The following DSCAML1 variants were observed in gnomAD, a reference collection of about 807,000 sequenced individuals.
DSCAML1 encodes cell adhesion molecule DSCAML1.
Under a neutral mutation model 200.5 loss-of-function variants are expected in DSCAML1, and 38 were observed. That is an observed-to-expected ratio of 0.19 (90% CI 0.15 to 0.25). DSCAML1 has a LOEUF of 0.25. Ranked by LOEUF, DSCAML1 falls within the 10% of genes least tolerant of loss-of-function variation. The pLI, the probability that DSCAML1 is intolerant of heterozygous loss-of-function variation, is 1.00. For missense variants in DSCAML1, 2,223 were observed against 2,858.8 expected (o/e 0.78, Z 5.07); for synonymous variants, 1,215 against 1,165.0 (o/e 1.04, Z -0.87).
intron 3 of DSCAML1, among the ~76,000 whole-genome samples, chr11:117,700,436 G>T (rs998057536): frequency 1.3e-5 from 2 of 152,130 alleles, no homozygotes; most frequent in African/African-American, 4.8e-5. Context: ...CTGGGAAACG[G>T]CCTTTGCTCC....
intron 1 of DSCAML1, among the ~76,000 whole-genome samples, chr11:117,802,496 C>A (rs77171854): frequency 0.011 from 1,616 of 152,274 alleles, 13 homozygotes; most frequent in Middle Eastern, 0.024. Flanking sequence ...CAGATGGGCT[C>A]ATTCTTATAA....
chr11:117,480,741 G>A lies in DSCAML1; in HGVS notation c.2657-170C>T, dbSNP rs1385951603. On this transcript the variant is annotated intron_variant, in intron 13 of 32. Coordinates refer to ENST00000651296, the MANE Select transcript of DSCAML1 (RefSeq NM_020693.4). This position sits in a 1 kb window ranked among gnomAD's most constrained non-coding sequence, Gnocchi z 4.1. ...CCAGCAGCCAGGCTTGGAGGCTGAG[G>A]AGGCCTGGCTTGCTCTCCTGTCTTG... Among the ~76,000 whole-genome samples the A allele has an allele frequency of 6.6e-6, 1 of 152,148 alleles. No individual in the cohort carries two copies. Among genetic ancestry groups the A allele is most frequent in the African/African-American group, 2.4e-5 (1 of 41,430 alleles).
intron 31 of DSCAML1, 23 bp from the exon 32 acceptor site, chr11:117,431,056 G>A (rs549248069): frequency 2.5e-6 from 4 of 1,591,514 alleles, no homozygotes; most frequent in African/African-American, 1.3e-5. Context: ...GAGGAAAGGG[G>A]TGGGTTACGG....
At chr11:117,736,687 T>C (rs2054321699) in intron 3 of DSCAML1, among the ~76,000 whole-genome samples, 1 of 152,190 alleles carries the variant, frequency 6.6e-6, no homozygotes, top group Admixed American at 6.5e-5. Flanking sequence ...CTGATCCCCT[T>C]TCCCTGACAC....
At position 117,463,939 on chromosome 11, in the gene DSCAML1, C is replaced by T. The variant is rs756395507; in HGVS notation, c.3265+1003G>A. ...CAGCGTTAGGAACCATTGGTATGAG[C>T]GAATCTACTTTCAGGTGTTTCTGAC... On this transcript the variant is annotated intron_variant, in intron 17 of 32. Coordinates refer to ENST00000651296, the MANE Select transcript of DSCAML1 (RefSeq NM_020693.4). The surrounding 1 kb of genome is among the most constrained non-coding windows in gnomAD (Gnocchi z 4.0). 2.0e-5 allele frequency among the ~76,000 whole-genome samples: 3 copies of T among 152,140 alleles called. No homozygotes were observed. Among genetic ancestry groups the T allele is most frequent in the East Asian group, 1.9e-4 (1 of 5,192 alleles).
At chr11:117,751,150 A>G (rs2054598990) in intron 3 of DSCAML1, among the ~76,000 whole-genome samples, 1 of 152,050 alleles carries the variant, frequency 6.6e-6, no homozygotes, top group South Asian at 2.1e-4. Flanking sequence ...GTGACTCTGC[A>G]TTATCCGGGC....
intron 3 of DSCAML1, among the ~76,000 whole-genome samples, chr11:117,627,776 G>A (rs1448373094): frequency 6.6e-6 from 1 of 152,036 alleles, no homozygotes; most frequent in Non-Finnish European, 1.5e-5. Flanking sequence ...GAGCTGGGAT[G>A]GGCATCTAGC....
chr11:117,569,923 G>C (rs1050858577), intron 3 of DSCAML1, among the ~76,000 whole-genome samples: 5 of 152,204 alleles, frequency 3.3e-5, no homozygotes, highest in African/African-American at 1.2e-4. Context: ...AGCTGTTCCT[G>C]ACTCTCTGGC....
rs2047691518 is a variant in DSCAML1, at chr11:117,427,928, A to G, written c.*400T>C. 1 of 157,818 alleles carries G rather than the reference A, an allele frequency of 6.3e-6. No homozygotes were observed. Among genetic ancestry groups the G allele is most frequent in the African/African-American group, 2.4e-5 (1 of 41,560 alleles). 9.8% of individuals were successfully genotyped at this position (157,818 alleles called of 1,614,324 possible). A position where few individuals can be genotyped will look rare whatever the true frequency, so the allele number is the denominator to read the frequency against. ...AGTTGGGATTTTGGTCTTTGTCAAAACCACCTAGACTGGGGGGAAGGTGAG... is the reference window on the plus strand; with the variant it reads ...AGTTGGGATTTTGGTCTTTGTCAAAGCCACCTAGACTGGGGGGAAGGTGAG... On this transcript the variant is annotated 3_prime_UTR_variant, in exon 33 of 33. Transcript: ENST00000651296.
At chr11:117,531,568 T>C (rs2050076737) in intron 4 of DSCAML1, among the ~76,000 whole-genome samples, 1 of 152,096 alleles carries the variant, frequency 6.6e-6, no homozygotes, top group Non-Finnish European at 1.5e-5. Flanking sequence ...TGACAAAAGA[T>C]ACATATGTAC....
At chr11:117,513,731 A>G (rs1394491354) in intron 8 of DSCAML1, among the ~76,000 whole-genome samples, 3 of 132,972 alleles carry the variant, frequency 2.3e-5, no homozygotes, top group South Asian at 4.9e-4. Flanking sequence ...ACAGAGCAAG[A>G]CTCTATCTCA....
chr11:117,601,906 A>T (rs750673901), intron 3 of DSCAML1, among the ~76,000 whole-genome samples: 1 of 152,222 alleles, frequency 6.6e-6, no homozygotes, highest in African/African-American at 2.4e-5. Context: ...TCAGCTGAGT[A>T]TCATCTCTCC....
At chr11:117,732,477 T>G (rs2054239394) in intron 3 of DSCAML1, among the ~76,000 whole-genome samples, 1 of 152,174 alleles carries the variant, frequency 6.6e-6, no homozygotes, top group Admixed American at 6.5e-5. Flanking sequence ...CCTGGCTGCC[T>G]CTATTATAAA....
rs2048927983 is a variant in DSCAML1, at chr11:117,481,825, G to A, written c.2559+138C>T. The A allele has an allele frequency of 1.4e-5, 12 of 870,630 alleles. No homozygotes were observed. The East Asian group carries it at 2.6e-4, about 19-fold the overall frequency. The allele number at this position is 870,630 out of a possible 1,614,324, so 53.9% of individuals were successfully genotyped here. A position where few individuals can be genotyped will look rare whatever the true frequency, so the allele number is the denominator to read the frequency against. The stretch of plus-strand genomic sequence containing the variant: ...CTGGATGGAGAGGGGAAATAGGTGG[G>A]AAAGGGGAGGTACATTTTTGGGGTG... On this transcript the variant is annotated intron_variant, in intron 12 of 32. Coordinates refer to ENST00000651296, the MANE Select transcript of DSCAML1 (RefSeq NM_020693.4).
Position 117,433,215 on chromosome 11 carries a change from G to A in DSCAML1, c.4949C>T (p.Pro1650Leu). 6.2e-7 allele frequency: 1 copy of A among 1,613,670 alleles called. No homozygotes were observed. The highest frequency in any genetic ancestry group is 8.5e-7 in the Non-Finnish European group (1 of 1,179,780). Residue 1650 changes from proline to leucine, a missense_variant, in exon 29 of 33, where the codon CCC becomes CTC. Coordinates refer to ENST00000651296, the MANE Select transcript of DSCAML1 (RefSeq NM_020693.4). The stretch of plus-strand genomic sequence containing the variant: ...GTCAATGTGTAGCCGTGGGCCCTGG[G>A]GTGGCCCTTTCACAGGGGTGTCAAA... ...RSFDTPVKGP[P>L]QGPRLHIDIP...
chr11:117,563,625 T>C (rs2050703265), intron 3 of DSCAML1, among the ~76,000 whole-genome samples: 1 of 152,202 alleles, frequency 6.6e-6, no homozygotes, highest in African/African-American at 2.4e-5. Flanking sequence ...TTGTGACCAT[T>C]GCATTCACTT....
intron 3 of DSCAML1, among the ~76,000 whole-genome samples, chr11:117,756,403 AGAAGCATCCGT>A (rs2054693907): frequency 1.3e-5 from 2 of 152,214 alleles, no homozygotes; most frequent in South Asian, 4.1e-4. Context: ...GCAGAGATAG[AGAAGCATCCGT>A]GAAACTCAGA....
intron 3 of DSCAML1, among the ~76,000 whole-genome samples, chr11:117,608,040 T>G (rs548869245): frequency 5.1e-4 from 77 of 152,358 alleles, no homozygotes; most frequent in Non-Finnish European, 8.8e-4. Context: ...AGACGTTTCA[T>G]CTACATTGTA....
At chr11:117,577,482 C>G (rs1314785177) in intron 3 of DSCAML1, among the ~76,000 whole-genome samples, 1 of 25,260 alleles carries the variant, frequency 4.0e-5, no homozygotes, top group Non-Finnish European at 1.0e-4. Context: ...TCCTTCCTTC[C>G]TTCCTTCCTT....
Sources: gnomAD v4.1 joint callset for allele counts (sites outside exome capture counted in the v4.1 genomes callset) on GRCh38, gnomAD v4.1.1 for gene constraint, Gnocchi (gnomAD v3.1) non-coding constraint, MANE v1.5 for transcripts, NCBI Gene and HGNC (gene_info 2026-07-23, HGNC 2026-07-21) for gene names.